LRRC7: variants seen among roughly 807,000 people sequenced by gnomAD.
The protein encoded by LRRC7 is leucine rich repeat containing 7.
Under a neutral mutation model 175.7 loss-of-function variants are expected in LRRC7, and 23 were observed. The observed-to-expected ratio is 0.13, with a 90% CI of 0.09 to 0.19. LRRC7 has a LOEUF of 0.19. LRRC7 is among the 10% of genes least tolerant of loss of function. The probability of loss-of-function intolerance (pLI) is 1.00; values close to 1 mark genes in which losing one functional copy is unlikely to be tolerated. For synonymous variants in LRRC7, 685 were observed against 680.9 expected (o/e 1.01, Z -0.09); for missense variants, 1,354 against 1,904.7 (o/e 0.71, Z 5.38).
chr1:69,641,002 C>T (rs947257501), intron 1 of LRRC7, among the ~76,000 whole-genome samples: 37 of 151,362 alleles, frequency 2.4e-4, no homozygotes, highest in Non-Finnish European at 3.6e-4. Flanking sequence ...TTCAGAGGGT[C>T]AATAAAATAT....
intron 2 of LRRC7, among the ~76,000 whole-genome samples, chr1:69,713,565 C>A (rs1665022434): frequency 6.6e-6 from 1 of 151,918 alleles, no homozygotes; most frequent in South Asian, 2.1e-4. Flanking sequence ...ATGATTACTG[C>A]CATTTTACAG....
intron 10 of LRRC7, among the ~76,000 whole-genome samples, chr1:69,990,011 T>A (rs1654285383): frequency 1.3e-5 from 2 of 152,224 alleles, no homozygotes; most frequent in South Asian, 4.1e-4. Context: ...CAGATTGGAT[T>A]TCTATACCCA....
intron 7 of LRRC7, 125 bp downstream of exon 7, chr1:69,838,408 G>A: frequency 4.2e-6 from 3 of 710,854 alleles, no homozygotes; most frequent in Non-Finnish European, 7.5e-6. Flanking sequence ...TTTTCCTAAA[G>A]GCCAAAAAGT....
chr1:69,585,472 T>C (rs1367885303), intron 1 of LRRC7, among the ~76,000 whole-genome samples: 4 of 152,268 alleles, frequency 2.6e-5, no homozygotes, highest in Middle Eastern at 3.4e-3. Flanking sequence ...TTCTAATCTT[T>C]CCAAAGATGC....
At chr1:69,825,023 A>G (rs1266926768) in intron 4 of LRRC7, among the ~76,000 whole-genome samples, 1 of 152,014 alleles carries the variant, frequency 6.6e-6, no homozygotes, top group Non-Finnish European at 1.5e-5. Flanking sequence ...CAGCTTTTGC[A>G]TTTTCAGTTT....
chr1:70,084,512 T>C, intron 24 of LRRC7, among the ~76,000 whole-genome samples: 1 of 152,228 alleles, frequency 6.6e-6, no homozygotes, highest in Non-Finnish European at 1.5e-5. Context: ...TGATATTCCA[T>C]TGTATGGATA....
At chr1:69,845,103 T>A (rs1464096471) in intron 7 of LRRC7, among the ~76,000 whole-genome samples, 1 of 151,854 alleles carries the variant, frequency 6.6e-6, no homozygotes. Context: ...TTTAAAAAAG[T>A]AGCTAGGATT....
intron 2 of LRRC7, among the ~76,000 whole-genome samples, chr1:69,727,655 T>C (rs1435548766): frequency 2.0e-5 from 3 of 152,198 alleles, no homozygotes; most frequent in African/African-American, 7.2e-5. Context: ...GCTTTCTGTG[T>C]GAGCTCTAAG....
At chr1:69,877,982 T>C (rs1177968993) in intron 7 of LRRC7, among the ~76,000 whole-genome samples, 1 of 151,950 alleles carries the variant, frequency 6.6e-6, no homozygotes, top group African/African-American at 2.4e-5. Context: ...GACAAGAAAT[T>C]GAGGGACCAA....
chr1:69,888,214 A>G (rs932366857), intron 7 of LRRC7, among the ~76,000 whole-genome samples: 66 of 152,030 alleles, frequency 4.3e-4, no homozygotes, highest in African/African-American at 1.4e-3. Flanking sequence ...CCCCTCCCCC[A>G]GCCTCACTGC....
chr1:69,888,732 A>T (rs923107529), intron 7 of LRRC7, among the ~76,000 whole-genome samples: 2 of 152,108 alleles, frequency 1.3e-5, no homozygotes, highest in Non-Finnish European at 2.9e-5. Context: ...AAAAAAAAAC[A>T]GACAGAAGCC....
chr1:69,801,307 T>C (rs112418469), intron 4 of LRRC7, among the ~76,000 whole-genome samples: 4 of 151,888 alleles, frequency 2.6e-5, no homozygotes, highest in African/African-American at 7.2e-5. Context: ...TTCTTCTTTG[T>C]AGGTTTGGAA....
chr1:70,044,484 A>G (rs894800889), intron 22 of LRRC7, among the ~76,000 whole-genome samples: 1 of 152,128 alleles, frequency 6.6e-6, no homozygotes, highest in African/African-American at 2.4e-5. Context: ...CTGAGAACAG[A>G]GCTCAAAATT....
intron 2 of LRRC7, among the ~76,000 whole-genome samples, chr1:69,718,460 A>C (rs950950820): frequency 6.6e-6 from 1 of 151,918 alleles, no homozygotes; most frequent in African/African-American, 2.4e-5. Flanking sequence ...AGCTTGGAAC[A>C]TAACATTCGT....
intron 11 of LRRC7, among the ~76,000 whole-genome samples, chr1:69,995,892 G>A (rs1418548605): frequency 2.0e-5 from 3 of 150,776 alleles, no homozygotes; most frequent in African/African-American, 7.4e-5. Context: ...ATAGCAGCAT[G>A]ATTTATAGTC....
At chr1:69,764,764 G>GATAA (rs1671436490) in intron 3 of LRRC7, among the ~76,000 whole-genome samples, 1 of 150,962 alleles carries the variant, frequency 6.6e-6, no homozygotes, top group Non-Finnish European at 1.5e-5. Flanking sequence ...TAGATAGATA[G>GATAA]ATAGATAGAT....
At chr1:69,813,423 A>G (rs1003938253) in intron 4 of LRRC7, among the ~76,000 whole-genome samples, 1 of 152,068 alleles carries the variant, frequency 6.6e-6, no homozygotes, top group Non-Finnish European at 1.5e-5. Context: ...TCCCTAGTCC[A>G]TTGACTCTCC....
At chr1:69,746,632 C>T (rs552806645) in intron 2 of LRRC7, among the ~76,000 whole-genome samples, 3 of 151,914 alleles carry the variant, frequency 2.0e-5, no homozygotes, top group African/African-American at 7.2e-5. Context: ...TGTATGTCTG[C>T]CATGCAATGT....
chr1:69,841,529 C>T (rs1277055848), intron 7 of LRRC7, among the ~76,000 whole-genome samples: 2 of 152,056 alleles, frequency 1.3e-5, no homozygotes, highest in Non-Finnish European at 2.9e-5. Flanking sequence ...TCAATGCTGA[C>T]ATATACCAAA....
Sources: gnomAD v4.1 joint callset for allele counts (sites outside exome capture counted in the v4.1 genomes callset) on GRCh38, gnomAD v4.1.1 for gene constraint, MANE v1.5 for transcripts, NCBI Gene and HGNC (gene_info 2026-07-23, HGNC 2026-07-21) for gene names.